Variants in CPA6 observed in about 807,000 individuals in gnomAD.
The protein encoded by CPA6 is carboxypeptidase B.
Under a neutral mutation model 63.3 loss-of-function variants are expected in CPA6, and 58 were observed. The observed-to-expected ratio is 0.92, with a 90% CI of 0.74 to 1.14. The LOEUF (loss-of-function observed/expected upper bound fraction) is 1.14, where lower values mean the gene tolerates loss of function less well. Ranked by LOEUF, CPA6 falls within the 50% of genes most tolerant of loss-of-function variation. The pLI, the probability that CPA6 is intolerant of heterozygous loss-of-function variation, is 0.00. For missense variants in CPA6, 565 were observed against 526.6 expected, an observed-to-expected ratio of 1.07 and a Z score of -0.71; for synonymous variants, 185 against 179.0, an observed-to-expected ratio of 1.03 and a Z score of -0.27.
intron 1 of CPA6, among the ~76,000 whole-genome samples, chr8:67,673,266 G>A (rs1259239420): frequency 6.6e-6 from 1 of 151,282 alleles, no homozygotes; most frequent in African/African-American, 2.4e-5. Flanking sequence ...TATTCACATT[G>A]GATACTATGA....
At chr8:67,677,279 C>A (rs974745095) in intron 1 of CPA6, among the ~76,000 whole-genome samples, 3 of 151,758 alleles carry the variant, frequency 2.0e-5, no homozygotes, top group Non-Finnish European at 4.4e-5. Context: ...TCCACAGCAG[C>A]TACTCCACTG....
chr8:67,644,276 G>A (rs2128990377), intron 1 of CPA6, among the ~76,000 whole-genome samples: 1 of 152,166 alleles, frequency 6.6e-6, no homozygotes, highest in Admixed American at 6.5e-5. Context: ...CCGCCACCAC[G>A]CCTGGCTAAT....
intron 1 of CPA6, among the ~76,000 whole-genome samples, chr8:67,649,136 C>A (rs186320556): frequency 3.6e-4 from 54 of 151,984 alleles, no homozygotes; most frequent in African/African-American, 1.3e-3. Context: ...ACGAAAATAA[C>A]TGCACAAAAC....
At chr8:67,593,186 T>A (rs1373175961) in intron 2 of CPA6, among the ~76,000 whole-genome samples, 77 of 151,048 alleles carry the variant, frequency 5.1e-4, no homozygotes, top group African/African-American at 1.7e-3. Flanking sequence ...TCCATGTAGT[T>A]GAGCGGTTTT....
intron 2 of CPA6, among the ~76,000 whole-genome samples, chr8:67,561,352 C>A (rs996257900): frequency 3.9e-5 from 6 of 152,154 alleles, no homozygotes; most frequent in African/African-American, 1.4e-4. Context: ...CCTTTTCAAT[C>A]AAGTCATCAC....
intron 2 of CPA6, among the ~76,000 whole-genome samples, chr8:67,620,229 T>C (rs776008382): frequency 6.6e-6 from 1 of 152,220 alleles, no homozygotes; most frequent in Non-Finnish European, 1.5e-5. Context: ...CGACCTCTTC[T>C]GTGAACAGCT....
At chr8:67,708,790 A>G (rs1372973312) in intron 1 of CPA6, among the ~76,000 whole-genome samples, 1 of 152,136 alleles carries the variant, frequency 6.6e-6, no homozygotes, top group Non-Finnish European at 1.5e-5. Flanking sequence ...CAGATTCCCA[A>G]AGAATTGGGT....
intron 2 of CPA6, among the ~76,000 whole-genome samples, chr8:67,565,013 CAT>C (rs1813302627): frequency 6.6e-6 from 1 of 152,182 alleles, no homozygotes; most frequent in African/African-American, 2.4e-5. Flanking sequence ...TAGTATGTAA[CAT>C]GTGGTCGGAT....
At chr8:67,592,250 G>C (rs1587608924) in intron 2 of CPA6, among the ~76,000 whole-genome samples, 1 of 152,312 alleles carries the variant, frequency 6.6e-6, no homozygotes, top group Non-Finnish European at 1.5e-5. Context: ...CTTGATCATG[G>C]TGGATAAGCT....
At chr8:67,688,833 A>T (rs1441808956) in intron 1 of CPA6, among the ~76,000 whole-genome samples, 1 of 152,166 alleles carries the variant, frequency 6.6e-6, no homozygotes, top group Non-Finnish European at 1.5e-5. Context: ...AGTATGCTGC[A>T]CATTGACAAA....
chr8:67,591,335 G>A (rs376565790), intron 2 of CPA6, among the ~76,000 whole-genome samples: 14,651 of 151,932 alleles, frequency 0.096, 807 homozygotes, highest in Middle Eastern at 0.17. Context: ...CTCCAGCTTT[G>A]TTCTTTTGGC....
At chr8:67,621,018 T>C (rs1466813932) in intron 2 of CPA6, among the ~76,000 whole-genome samples, 2 of 152,208 alleles carry the variant, frequency 1.3e-5, no homozygotes, top group African/African-American at 4.8e-5. Flanking sequence ...GTCTGGAATT[T>C]GGGTATGTGC....
chr8:67,716,132 CGA>C (rs911262645), intron 1 of CPA6, among the ~76,000 whole-genome samples: 3 of 120,064 alleles, frequency 2.5e-5, no homozygotes, highest in African/African-American at 7.4e-5. Flanking sequence ...CCAGCCTGGG[CGA>C]GAGAGTGAGC....
chr8:67,599,891 G>C (rs1322692468), intron 2 of CPA6, among the ~76,000 whole-genome samples: 1 of 152,056 alleles, frequency 6.6e-6, no homozygotes, highest in Non-Finnish European at 1.5e-5. Flanking sequence ...AAATACAGTA[G>C]TATGTCGAGT....
intron 1 of CPA6, among the ~76,000 whole-genome samples, chr8:67,683,879 C>T (rs1448078776): frequency 2.0e-5 from 3 of 150,468 alleles, no homozygotes; most frequent in Non-Finnish European, 4.4e-5. Context: ...GGCTGGAGTG[C>T]TGTGGTGCCA....
At chr8:67,740,850 G>A (rs529381798) in intron 1 of CPA6, among the ~76,000 whole-genome samples, 64 of 152,200 alleles carry the variant, frequency 4.2e-4, no homozygotes, top group African/African-American at 1.4e-3. Flanking sequence ...GATTACAGAC[G>A]TGAGCCACCG....
At chr8:67,495,177 C>A (rs1811684242) in intron 6 of CPA6, among the ~76,000 whole-genome samples, 1 of 152,176 alleles carries the variant, frequency 6.6e-6, no homozygotes, top group Admixed American at 6.5e-5. Context: ...AATGGTCCTG[C>A]CAATGCTTCA....
chr8:67,527,863 C>T (rs1057257295), intron 2 of CPA6, among the ~76,000 whole-genome samples: 1 of 152,188 alleles, frequency 6.6e-6, no homozygotes, highest in African/African-American at 2.4e-5. Context: ...CATTAATTGT[C>T]AGCTGATGTG....
At chr8:67,501,582 G>T (rs1039519033) in intron 6 of CPA6, among the ~76,000 whole-genome samples, 6 of 152,036 alleles carry the variant, frequency 3.9e-5, no homozygotes, top group African/African-American at 1.4e-4. Flanking sequence ...ATTAAACTGG[G>T]ATTGCATCCC....
Sources: gnomAD v4.1 joint callset for allele counts (sites outside exome capture counted in the v4.1 genomes callset) on GRCh38, gnomAD v4.1.1 for gene constraint, MANE v1.5 for transcripts, NCBI Gene and HGNC (gene_info 2026-07-23, HGNC 2026-07-21) for gene names.